Variants in DNM1 observed in about 807,000 individuals in gnomAD.
The protein encoded by DNM1 is dynamin 1.
DNM1 carries 29 observed loss-of-function variants against 104.6 expected under a neutral mutation model. The observed-to-expected ratio is 0.28, with a 90% CI of 0.21 to 0.38. The LOEUF (loss-of-function observed/expected upper bound fraction) is 0.38, where lower values mean the gene tolerates loss of function less well. DNM1 is among the 10% of genes least tolerant of loss of function. The probability of loss-of-function intolerance (pLI) is 1.00; values close to 1 mark genes in which losing one functional copy is unlikely to be tolerated. For synonymous variants in DNM1, 445 were observed against 475.8 expected (o/e 0.94, Z 0.84); for missense variants, 640 against 1,189.4 (o/e 0.54, Z 6.79).
chr9:128,252,705 AG>A, intron 21 of DNM1: 1 of 487,610 alleles, frequency 2.1e-6, no homozygotes, highest in Non-Finnish European at 4.0e-6. Context: ...GCTGGACTTT[AG>A]CGAGCAAGCC....
intron 21 of DNM1, chr9:128,252,235 G>A (rs988282784): frequency 7.7e-6 from 2 of 260,394 alleles, no homozygotes; most frequent in South Asian, 3.8e-5. Flanking sequence ...AACTGCCAAC[G>A]TGAGTTCAGA....
At position 128,250,731 on chromosome 9, in the gene DNM1, C is replaced by T; in HGVS notation, c.2325C>T (p.Pro775=). The T allele has an allele frequency of 6.8e-7, 1 of 1,461,118 alleles. No individual in the cohort carries two copies. Among genetic ancestry groups the T allele is most frequent in the South Asian group, 1.3e-5 (1 of 76,124 alleles). The allele number at this position is 1,461,118 out of a possible 1,614,324, so 90.5% of individuals were successfully genotyped here. The change falls in exon 21 of 22, where the codon CCC becomes CCT. Residue 775 remains proline, a synonymous_variant. Transcript: ENST00000372923. ...CGCTCCCTGTCGCCCTCAGGTCGCC[C>T]ACGTCCAGCCCCACGCCGCAGCGCC... ...VQSVPAGRRS[P]TSSPTPQRRA...
rs1428882803 is a variant in DNM1, at chr9:128,253,326, C to T, written c.2535-1328C>T. 7 of 616,528 alleles carry T rather than the reference C, an allele frequency of 1.1e-5. No individual in the cohort carries two copies. Among genetic ancestry groups the T allele is most frequent in the Admixed American group, 2.7e-5 (1 of 36,728 alleles). 38.2% of individuals were successfully genotyped at this position (616,528 alleles called of 1,614,324 possible). On this transcript the variant is annotated intron_variant, in intron 21 of 21. Coordinates refer to ENST00000372923, the MANE Select transcript of DNM1 (RefSeq NM_004408.4). This position sits in a 1 kb window ranked among gnomAD's most constrained non-coding sequence, Gnocchi z 5.9. Reference sequence around the variant, plus strand: ...TCTCACCTCCCTTCCCTGCGAGCCTCGGGACTCAGTGCCACTGCCCAAGGC... The same window carrying T: ...TCTCACCTCCCTTCCCTGCGAGCCTTGGGACTCAGTGCCACTGCCCAAGGC...
In DNM1 at chr9:128,253,767, C is replaced by G. The variant is rs1180594583; in HGVS notation, c.2535-887C>G. Reference sequence around the variant, plus strand: ...ACAGGCCAGGCAGGGACACACAGCCCCCTTCCCTCCCTCCCAGGTACCGTC... The same window carrying G: ...ACAGGCCAGGCAGGGACACACAGCCGCCTTCCCTCCCTCCCAGGTACCGTC... On this transcript the variant is annotated intron_variant, in intron 21 of 21. Coordinates refer to ENST00000372923, the MANE Select transcript of DNM1 (RefSeq NM_004408.4). This position sits in a 1 kb window ranked among gnomAD's most constrained non-coding sequence, Gnocchi z 5.9. The G allele has an allele frequency of 9.6e-6, 4 of 418,610 alleles. No individual in the cohort carries two copies. Among genetic ancestry groups the G allele is most frequent in the Admixed American group, 4.6e-5 (1 of 21,878 alleles). The allele number at this position is 418,610 out of a possible 1,614,324, so 25.9% of individuals were successfully genotyped here.
intron 14 of DNM1, among the ~76,000 whole-genome samples, chr9:128,241,198 G>A (rs565750458): frequency 6.6e-6 from 1 of 152,188 alleles, no homozygotes; most frequent in Non-Finnish European, 1.5e-5. Context: ...CCAGCCCCAG[G>A]CCTCCTTGGG....
intron 11 of DNM1, 89 bp from the exon 12 acceptor site, chr9:128,239,356 G>T: frequency 1.1e-6 from 1 of 942,254 alleles, no homozygotes. Flanking sequence ...TCCTATATGT[G>T]CTGCAAGTAC....
At chr9:128,251,115 TGCCCCC>T in intron 21 of DNM1, 175 bp downstream of exon 21, 1 of 649,780 alleles carries the variant, frequency 1.5e-6, no homozygotes, top group Admixed American at 2.4e-5. Flanking sequence ...TGGCGGAGCC[TGCCCCC>T]GAGGGAGCGC....
Position 128,254,995 on chromosome 9 carries a change from C to G in DNM1, c.*281C>G, listed in dbSNP as rs113109726. On this transcript the variant is annotated 3_prime_UTR_variant, in exon 22 of 22. Transcript: ENST00000372923. The surrounding 1 kb of genome is among the most constrained non-coding windows in gnomAD (Gnocchi z 6.1). ...CGCCTCTAGCGCTGGGAATCAGTCA[C>G]TGTGCTATCCTTGTGGAGTCTTGTG... 2.2e-3 allele frequency: 709 copies of G among 318,294 alleles called. 5 individuals are homozygous for G. Among genetic ancestry groups the G allele is most frequent in the African/African-American group, 0.015 (664 of 44,906 alleles). 19.7% of individuals were successfully genotyped at this position (318,294 alleles called of 1,614,324 possible).
intron 10 of DNM1, among the ~76,000 whole-genome samples, chr9:128,229,899 C>A (rs1326472911): frequency 6.6e-6 from 1 of 151,222 alleles, no homozygotes; most frequent in Non-Finnish European, 1.5e-5. Context: ...GGTGACAGAG[C>A]GAGACTCCGT....
At chr9:128,205,585 G>C (rs1833892333) in intron 1 of DNM1, among the ~76,000 whole-genome samples, 1 of 152,224 alleles carries the variant, frequency 6.6e-6, no homozygotes, top group Non-Finnish European at 1.5e-5. Context: ...ACCAGGCACA[G>C]GGACGTGTGG....
intron 11 of DNM1, among the ~76,000 whole-genome samples, chr9:128,238,327 T>A (rs1440881073): frequency 6.6e-6 from 1 of 151,898 alleles, no homozygotes; most frequent in Non-Finnish European, 1.5e-5. Context: ...TGAGTTCAAG[T>A]GATTCCCCTG....
intron 1 of DNM1, among the ~76,000 whole-genome samples, chr9:128,204,651 T>C (rs887423391): frequency 1.6e-4 from 25 of 151,934 alleles, no homozygotes; most frequent in African/African-American, 6.0e-4. Context: ...ATAGGAGCTC[T>C]CCAGGTACTG....
At chr9:128,231,971 G>A (rs1466995869) in intron 10 of DNM1, 7 of 456,352 alleles carry the variant, frequency 1.5e-5, no homozygotes, top group Middle Eastern at 3.3e-4. Flanking sequence ...AGAGGGGAAC[G>A]TTCCTTTTGA....
chr9:128,220,103 C>T lies in DNM1; in HGVS notation c.688+17C>T. ...TGCGCAGAGGTAAGCAGGCCATGCC[C>T]CTCAACCACTCCCCAGCCCTTCCCC... is the stretch of plus-strand genomic sequence containing the variant. On this transcript the variant is annotated intron_variant, in intron 5 of 21. Transcript: ENST00000372923. The surrounding 1 kb of genome is among the most constrained non-coding windows in gnomAD (Gnocchi z 5.2). 1.2e-6 allele frequency: 2 copies of T among 1,612,904 alleles called. No individual in the cohort carries two copies. Among genetic ancestry groups the T allele is most frequent in the Non-Finnish European group, 1.7e-6 (2 of 1,179,048 alleles).
At chr9:128,242,659 C>A (rs1328383538) in intron 15 of DNM1, among the ~76,000 whole-genome samples, 2 of 152,122 alleles carry the variant, frequency 1.3e-5, no homozygotes, top group African/African-American at 2.4e-5. Context: ...ACTAGGGAGG[C>A]TGAGACACAA....
intron 1 of DNM1, among the ~76,000 whole-genome samples, chr9:128,209,206 C>T (rs1324400779): frequency 6.6e-6 from 1 of 152,204 alleles, no homozygotes; most frequent in Middle Eastern, 3.2e-3. Flanking sequence ...GGGCTGGAAA[C>T]ATGGAAATGC....
Position 128,220,613 on chromosome 9 carries a change from G to A in DNM1, c.849+272G>A, listed in dbSNP as rs1834882875. On this transcript the variant is annotated intron_variant, in intron 6 of 21. Transcript: ENST00000372923. This position sits in a 1 kb window ranked among gnomAD's most constrained non-coding sequence, Gnocchi z 5.2. ...CCTATGTGGAGGGTGTCATGGGGAA[G>A]AGCTTGGGTTTGGGGGCCAGGATTC... Among the ~76,000 whole-genome samples the A allele has an allele frequency of 6.6e-6, 1 of 152,214 alleles. No individual in the cohort carries two copies. The highest frequency in any genetic ancestry group is 1.5e-5 in the Non-Finnish European group (1 of 68,032).
At chr9:128,229,267 C>T (rs1244825818) in intron 10 of DNM1, among the ~76,000 whole-genome samples, 3 of 151,376 alleles carry the variant, frequency 2.0e-5, no homozygotes, top group Non-Finnish European at 4.4e-5. Flanking sequence ...TGGCAGTATG[C>T]ACCTGCAGTC....
At chr9:128,241,349 G>A (rs1588429391) in intron 14 of DNM1, among the ~76,000 whole-genome samples, 1 of 152,196 alleles carries the variant, frequency 6.6e-6, no homozygotes, top group African/African-American at 2.4e-5. Flanking sequence ...CACAGGCCCT[G>A]GACCGTGGCC....
Sources: allele counts gnomAD v4.1 joint callset (sites outside exome capture counted in the v4.1 genomes callset), GRCh38; gene constraint gnomAD v4.1.1; non-coding constraint Gnocchi (gnomAD v3.1); transcripts MANE v1.5; gene names NCBI Gene and HGNC (gene_info 2026-07-23, HGNC 2026-07-21).